Variants in LCMT1 observed in about 807,000 individuals in gnomAD.
LCMT1 encodes the protein leucine carboxyl methyltransferase 1.
In LCMT1, 32 loss-of-function variants were observed where a neutral mutation model predicts 47.7. That is an observed-to-expected ratio of 0.67 (90% CI 0.51 to 0.90). LCMT1 has a LOEUF of 0.90. LCMT1 is among the 40% of genes least tolerant of loss of function. The pLI, the probability that LCMT1 is intolerant of heterozygous loss-of-function variation, is 0.00. For synonymous variants in LCMT1, 152 were observed against 149.7 expected, an observed-to-expected ratio of 1.02 and a Z score of -0.11; for missense variants, 375 against 415.2, an observed-to-expected ratio of 0.90 and a Z score of 0.84.
intron 3 of LCMT1, 45 bp downstream of exon 3, chr16:25,132,568 T>TTCGTTAGATTTTC (rs1960383783): frequency 6.9e-6 from 11 of 1,593,674 alleles, no homozygotes; most frequent in African/African-American, 1.3e-5. Flanking sequence ...TTTAGATTTT[T>TTCGTTAGATTTTC]TTCGTTAGAT....
chr16:25,130,095 C>T lies in LCMT1; in HGVS notation c.205+1529C>T, dbSNP rs1316250050. ...ATGGCTCACACCTGTAATTCCAGCA[C>T]TTTGGGAGGCCGAGGCGGGCGGACC... On this transcript the variant is annotated intron_variant, in intron 2 of 10. Coordinates refer to ENST00000399069, the MANE Select transcript of LCMT1 (RefSeq NM_016309.3). Among the ~76,000 whole-genome samples the T allele has an allele frequency of 3.9e-5, 6 of 152,168 alleles. No homozygotes were observed. In the South Asian group the frequency reaches 6.2e-4, roughly 16 times the overall value.
chr16:25,120,744 T>TTTG (rs796609888), intron 1 of LCMT1, among the ~76,000 whole-genome samples: 2,087 of 146,178 alleles, frequency 0.014, 67 homozygotes, highest in African/African-American at 0.051. Flanking sequence ...TTTTTGTTTT[T>TTTG]TTTTTTTGTT....
chr16:25,132,292 C>A, intron 2 of LCMT1, 110 bp from the exon 3 acceptor site: 1 of 1,326,258 alleles, frequency 7.5e-7, no homozygotes. Context: ...TCTGACACTG[C>A]AGAAGGGCGC....
At chr16:25,120,985 C>T (rs1194242945) in intron 1 of LCMT1, among the ~76,000 whole-genome samples, 1 of 139,922 alleles carries the variant, frequency 7.1e-6, no homozygotes, top group African/African-American at 2.7e-5. Context: ...GTCTCAAACT[C>T]CTGGGCCTCA....
At chr16:25,124,656 T>A (rs1960104522) in intron 1 of LCMT1, among the ~76,000 whole-genome samples, 1 of 152,248 alleles carries the variant, frequency 6.6e-6, no homozygotes, top group African/African-American at 2.4e-5. Context: ...CATTCTTTGA[T>A]GCCTCAGATG....
intron 5 of LCMT1, among the ~76,000 whole-genome samples, chr16:25,156,458 A>G (rs1961258909): frequency 6.6e-6 from 1 of 152,190 alleles, no homozygotes; most frequent in South Asian, 2.1e-4. Context: ...ACTCTGGTGA[A>G]ATTAGGCAGA....
At chr16:25,158,554 C>G (rs1241027563) in intron 5 of LCMT1, among the ~76,000 whole-genome samples, 2 of 150,768 alleles carry the variant, frequency 1.3e-5, no homozygotes, top group Non-Finnish European at 3.0e-5. Flanking sequence ...TTTTGGCAAC[C>G]AAGTTATCTT....
intron 7 of LCMT1, among the ~76,000 whole-genome samples, chr16:25,166,318 A>G (rs1597602469): frequency 6.6e-6 from 1 of 150,734 alleles, no homozygotes; most frequent in African/African-American, 2.4e-5. Context: ...CCAGATTATT[A>G]TGGGGATTCC....
chr16:25,169,263 A>T (rs1317403963), intron 8 of LCMT1, 50 bp downstream of exon 8: 3 of 1,198,714 alleles, frequency 2.5e-6, no homozygotes, highest in South Asian at 2.4e-5. Context: ...GTCAACCAAG[A>T]TATATAAAGG....
intron 1 of LCMT1, among the ~76,000 whole-genome samples, chr16:25,121,373 G>A (rs1357880255): frequency 6.6e-6 from 1 of 152,058 alleles, no homozygotes; most frequent in Non-Finnish European, 1.5e-5. Flanking sequence ...TCATGCCACT[G>A]CACTCCAGCC....
intron 5 of LCMT1, among the ~76,000 whole-genome samples, chr16:25,155,705 A>C: frequency 7.3e-6 from 1 of 137,668 alleles, no homozygotes; most frequent in African/African-American, 2.7e-5. Flanking sequence ...ACAAGGTCTC[A>C]CTCTGTTGTT....
Position 25,176,550 on chromosome 16 carries a change from C to CTTTTTTTT in LCMT1, c.983-1428_983-1421dup, listed in dbSNP as rs1170373745. On this transcript the variant is annotated intron_variant, in intron 10 of 10. Coordinates refer to ENST00000399069, the MANE Select transcript of LCMT1 (RefSeq NM_016309.3). ...GGTTTTGGTTTTTGTTTTTTTTTGG[C>CTTTTTTTT]TTTTTTTTTTTTTTTTTTTTTTTTT... Among the ~76,000 whole-genome samples, 25 of 44,266 alleles carry CTTTTTTTT rather than the reference C, an allele frequency of 5.6e-4. 1 individual carries two copies. The highest frequency in any genetic ancestry group is 6.1e-4 in the Non-Finnish European group (17 of 27,738). 29.0% of individuals were successfully genotyped at this position (44,266 alleles called of 152,430 possible).
chr16:25,132,910 C>T (rs1333376633), intron 3 of LCMT1, among the ~76,000 whole-genome samples: 7 of 150,218 alleles, frequency 4.7e-5, no homozygotes, highest in African/African-American at 9.9e-5. Context: ...CAGGCTGGAA[C>T]GCAATGGCAC....
intron 3 of LCMT1, among the ~76,000 whole-genome samples, chr16:25,134,561 C>G (rs1335606308): frequency 6.6e-6 from 1 of 152,078 alleles, no homozygotes; most frequent in Non-Finnish European, 1.5e-5. Context: ...GGAGGGTGAC[C>G]TTCCCTTTTC....
chr16:25,112,516 G>A (rs113264026), intron 1 of LCMT1, among the ~76,000 whole-genome samples: 16 of 152,334 alleles, frequency 1.1e-4, no homozygotes, highest in African/African-American at 3.8e-4. Context: ...GTGGTGGTGG[G>A]GATGGGGGCG....
intron 5 of LCMT1, among the ~76,000 whole-genome samples, chr16:25,159,801 C>G (rs181460100): frequency 5.8e-4 from 88 of 152,124 alleles, no homozygotes; most frequent in Non-Finnish European, 1.1e-3. Flanking sequence ...TGCTGAAGTT[C>G]TCAGAGCCAA....
At chr16:25,168,188 A>G (rs1304108810) in intron 7 of LCMT1, among the ~76,000 whole-genome samples, 1 of 151,900 alleles carries the variant, frequency 6.6e-6, no homozygotes, top group East Asian at 1.9e-4. Flanking sequence ...AGCTGGGATA[A>G]CAGGCACGTG....
At chr16:25,126,658 G>A (rs1003817628) in intron 1 of LCMT1, among the ~76,000 whole-genome samples, 3 of 152,232 alleles carry the variant, frequency 2.0e-5, no homozygotes, top group South Asian at 2.1e-4. Flanking sequence ...ACAGTGTAAA[G>A]AATCTGGAGG....
chr16:25,130,729 T>G (rs1317519474), intron 2 of LCMT1, among the ~76,000 whole-genome samples: 4 of 152,236 alleles, frequency 2.6e-5, no homozygotes, highest in Non-Finnish European at 5.9e-5. Context: ...TTATTTATTT[T>G]GAAGCTCGCA....
Sources: gnomAD v4.1 joint callset for allele counts (sites outside exome capture counted in the v4.1 genomes callset) on GRCh38, gnomAD v4.1.1 for gene constraint, MANE v1.5 for transcripts, NCBI Gene and HGNC (gene_info 2026-07-23, HGNC 2026-07-21) for gene names.